CBLN3: variants seen among roughly 807,000 people sequenced by gnomAD.
CBLN3 encodes the protein cerebellin 3 precursor.
CBLN3 carries 14 observed loss-of-function variants against 17.4 expected under a neutral mutation model. The observed-to-expected ratio is 0.81, with a 90% CI of 0.53 to 1.26. CBLN3 has a LOEUF of 1.26. Ranked by LOEUF, CBLN3 falls within the 50% of genes most tolerant of loss-of-function variation. The pLI is 0.00. For missense variants in CBLN3, 263 were observed against 268.5 expected, an observed-to-expected ratio of 0.98 and a Z score of 0.14; for synonymous variants, 129 against 117.4, an observed-to-expected ratio of 1.10 and a Z score of -0.64.
At chr14:24,428,603 T>C in intron 1 of CBLN3, 152 bp downstream of exon 1, 2 of 1,039,670 alleles carry the variant, frequency 1.9e-6, no homozygotes, top group Non-Finnish European at 2.8e-6. Flanking sequence ...GGGGAAACCG[T>C]CGGTGGGGTG....
Position 24,429,583 on chromosome 14 carries a change from TCCGCCTC to T in CBLN3, c.-536_-530del, listed in dbSNP as rs1040943416. On this transcript the variant is annotated 5_prime_UTR_variant, in exon 1 of 3. Transcript: ENST00000267406. Reference sequence around the variant, plus strand: ...AAGGGGTACTCCACCACGGGTACCCTCCGCCTCCCGCCTCCCGCCTACCCCCTCCGCC... The same window carrying T: ...AAGGGGTACTCCACCACGGGTACCCTCCGCCTCCCGCCTACCCCCTCCGCC... The T allele has an allele frequency of 8.0e-5, 55 of 690,074 alleles. No homozygotes were observed. The highest frequency in any genetic ancestry group is 1.7e-4 in the East Asian group (2 of 11,444). The allele number at this position is 690,074 out of a possible 1,614,324, so 42.7% of individuals were successfully genotyped here.
Position 24,429,190 on chromosome 14 carries a change from T to G in CBLN3, c.-136A>C, listed in dbSNP as rs1594750145. 15 of 880,242 alleles carry G rather than the reference T, an allele frequency of 1.7e-5. No homozygotes were observed. The East Asian group carries it at 4.0e-4, about 23-fold the overall frequency. The allele number at this position is 880,242 out of a possible 1,614,324, so 54.5% of individuals were successfully genotyped here. On this transcript the variant is annotated 5_prime_UTR_variant, in exon 1 of 3. Transcript: ENST00000267406. Reference sequence around the variant, plus strand: ...GCTCGCTGAACCCCCTCTCCATACCTGTGTCCCAGCTCTGTCCTGCCTCCC... The same window carrying G: ...GCTCGCTGAACCCCCTCTCCATACCGGTGTCCCAGCTCTGTCCTGCCTCCC...
Position 24,427,706 on chromosome 14 carries a change from C to G in CBLN3, c.*83G>C. 1 of 1,291,836 alleles carries G rather than the reference C, an allele frequency of 7.7e-7. No individual in the cohort carries two copies. The highest frequency in any genetic ancestry group is 2.3e-5 in the East Asian group (1 of 43,392). The allele number at this position is 1,291,836 out of a possible 1,614,324, so 80.0% of individuals were successfully genotyped here. On this transcript the variant is annotated 3_prime_UTR_variant, in exon 3 of 3. Coordinates refer to ENST00000267406, the MANE Select transcript of CBLN3 (RefSeq NM_001039771.3). The surrounding 1 kb of genome is among the most constrained non-coding windows in gnomAD (Gnocchi z 4.4). ...GATAGGAGCCAGAGGGAGTCTCTCT[C>G]CTGCCTCTGCTGTTTCTGGGGCAAG...
chr14:24,429,604 A>C lies in CBLN3; in HGVS notation c.-550T>G, dbSNP rs889454667. On this transcript the variant is annotated 5_prime_UTR_variant, in exon 1 of 3. Coordinates refer to ENST00000267406, the MANE Select transcript of CBLN3 (RefSeq NM_001039771.3). Reference sequence around the variant, plus strand: ...ACCCTCCGCCTCCCGCCTCCCGCCTACCCCCTCCGCCACGATTGCTTTGGT... The same window carrying C: ...ACCCTCCGCCTCCCGCCTCCCGCCTCCCCCCTCCGCCACGATTGCTTTGGT... The C allele has an allele frequency of 8.7e-6, 8 of 922,170 alleles. No individual in the cohort carries two copies. Among genetic ancestry groups the C allele is most frequent in the African/African-American group, 1.8e-5 (1 of 55,358 alleles). The allele number at this position is 922,170 out of a possible 1,614,324, so 57.1% of individuals were successfully genotyped here.
intron 1 of CBLN3, 80 bp downstream of exon 1, chr14:24,428,675 C>T: frequency 1.4e-6 from 2 of 1,457,902 alleles, no homozygotes; most frequent in Non-Finnish European, 1.8e-6. Flanking sequence ...GCCTCAGAGA[C>T]AGCAAAGTGG....
chr14:24,429,292 G>A lies in CBLN3; in HGVS notation c.-238C>T. On this transcript the variant is annotated 5_prime_UTR_variant, in exon 1 of 3. Coordinates refer to ENST00000267406, the MANE Select transcript of CBLN3 (RefSeq NM_001039771.3). ...GTGACAGCAGTTGGGCTTTGGGAGAGAAAGGAGGGATGAAGCCGCCTGCCC... is the reference window on the plus strand; with the variant it reads ...GTGACAGCAGTTGGGCTTTGGGAGAAAAAGGAGGGATGAAGCCGCCTGCCC... 1 of 696,052 alleles carries A rather than the reference G, an allele frequency of 1.4e-6. No individual in the cohort carries two copies. Among genetic ancestry groups the A allele is most frequent in the Non-Finnish European group, 2.6e-6 (1 of 386,434 alleles). 43.1% of individuals were successfully genotyped at this position (696,052 alleles called of 1,614,324 possible).
In CBLN3 at chr14:24,429,005, C is replaced by T; in HGVS notation, c.50G>A (p.Gly17Glu). Residue 17 changes from glycine to glutamate, a missense_variant, in exon 1 of 3, where the codon GGG (glycine) becomes GAG (glutamate). Coordinates refer to ENST00000267406, the MANE Select transcript of CBLN3 (RefSeq NM_001039771.3). ...CAGAAGCACCAGAACCAAGGGCAGC[C>T]CGGGACTGTGTAGGGGACCTGGTAG... ...HWLPGPLHSP[G>E]LPLVLVLLAL... The T allele has an allele frequency of 6.5e-7, 1 of 1,547,554 alleles. No individual in the cohort carries two copies. Among genetic ancestry groups the T allele is most frequent in the South Asian group, 1.2e-5 (1 of 83,852 alleles).
chr14:24,429,027 G>C lies in CBLN3; in HGVS notation c.28C>G (p.Pro10Ala). The change falls in exon 1 of 3, where the codon CCA (proline) becomes GCA (alanine). Residue 10 changes from proline (P) to alanine (A), a missense_variant. By Grantham distance (27) the Pro-to-Ala change is conservative. Coordinates refer to ENST00000267406, the MANE Select transcript of CBLN3 (RefSeq NM_001039771.3). MLGAKPHWLPGPLHSPGLPL... is the reference protein window; with the variant it reads MLGAKPHWLAGPLHSPGLPL... Reference sequence around the variant, plus strand: ...AGCCCGGGACTGTGTAGGGGACCTGGTAGCCAGTGTGGCTTGGCTCCCAAC... The same window carrying C: ...AGCCCGGGACTGTGTAGGGGACCTGCTAGCCAGTGTGGCTTGGCTCCCAAC... 6.6e-7 allele frequency: 1 copy of C among 1,521,940 alleles called. No individual in the cohort carries two copies. Among genetic ancestry groups the C allele is most frequent in the East Asian group, 2.5e-5 (1 of 40,396 alleles). 94.3% of individuals were successfully genotyped at this position (1,521,940 alleles called of 1,614,324 possible).
chr14:24,427,860 G>A lies in CBLN3; in HGVS notation c.547C>T (p.Leu183=). The A allele has an allele frequency of 6.2e-7, 1 of 1,614,158 alleles. No homozygotes were observed. Among genetic ancestry groups the A allele is most frequent in the Non-Finnish European group, 8.5e-7 (1 of 1,180,020 alleles). The change falls in exon 3 of 3, where the codon CTG becomes TTG. Residue 183 remains leucine (L), a synonymous_variant. Transcript: ENST00000267406. The surrounding 1 kb of genome is among the most constrained non-coding windows in gnomAD (Gnocchi z 4.4). ...CCACCCAGTAGATTCCCCCGACGCAGGCGCAGAGACACTCGGTCCCCAGGG... is the reference window on the plus strand; with the variant it reads ...CCACCCAGTAGATTCCCCCGACGCAAGCGCAGAGACACTCGGTCCCCAGGG... The part of the protein sequence containing the change: ...LDPGDRVSLR[L]RRGNLLGGWK...
intron 1 of CBLN3, 138 bp downstream of exon 1, chr14:24,428,617 G>C: frequency 8.9e-7 from 1 of 1,118,102 alleles, no homozygotes; most frequent in Non-Finnish European, 1.3e-6. Flanking sequence ...TGGGGTGGTG[G>C]GGCAATAGGC....
intron 2 of CBLN3, 64 bp from the exon 3 acceptor site, chr14:24,428,050 C>A: frequency 2.0e-6 from 3 of 1,525,448 alleles, no homozygotes; most frequent in Non-Finnish European, 2.7e-6. Flanking sequence ...CCCACTTTCC[C>A]AGGAGCTTCC....
In CBLN3 at chr14:24,429,625, T is replaced by G; in HGVS notation, c.-571A>C. ...GCCTACCCCCTCCGCCACGATTGCTTTGGTGGAAAGTGCTTGGGCCTAGAG... is the reference window on the plus strand; with the variant it reads ...GCCTACCCCCTCCGCCACGATTGCTGTGGTGGAAAGTGCTTGGGCCTAGAG... On this transcript the variant is annotated 5_prime_UTR_variant, in exon 1 of 3. Coordinates refer to ENST00000267406, the MANE Select transcript of CBLN3 (RefSeq NM_001039771.3). 6 of 1,076,868 alleles carry G rather than the reference T, an allele frequency of 5.6e-6. No individual in the cohort carries two copies. The highest frequency in any genetic ancestry group is 7.5e-5 in the East Asian group (1 of 13,312). 66.7% of individuals were successfully genotyped at this position (1,076,868 alleles called of 1,614,324 possible).
rs1160169517 is a variant in CBLN3 at position 24,429,160 on chromosome 14, T to C, written c.-106A>G. ...GCCGGCACCCTGATCGTCTGCCCTC[T>C]CTAGGCTCGCTGAACCCCCTCTCCA... On this transcript the variant is annotated 5_prime_UTR_variant, in exon 1 of 3. Coordinates refer to ENST00000267406, the MANE Select transcript of CBLN3 (RefSeq NM_001039771.3). 8.2e-7 allele frequency: 1 copy of C among 1,224,324 alleles called. No individual in the cohort carries two copies. Among genetic ancestry groups the C allele is most frequent in the Non-Finnish European group, 1.1e-6 (1 of 892,526 alleles). 75.8% of individuals were successfully genotyped at this position (1,224,324 alleles called of 1,614,324 possible).
chr14:24,428,797 C>G lies in CBLN3; in HGVS notation c.258G>C (p.Gly86=). The G allele has an allele frequency of 6.2e-7, 1 of 1,608,804 alleles. No individual in the cohort carries two copies. The highest frequency in any genetic ancestry group is 8.5e-7 in the Non-Finnish European group (1 of 1,176,504). The part of the protein sequence containing the change: ...AVRSHHHEPA[G]ETGNGTSGAI... ...CCCCACTGGTGCCATTGCCGGTTTC[C>G]CCTGCTGGCTCATGGTGGTGGCTTC... The change falls in exon 1 of 3, where the codon GGG becomes GGC. Residue 86 remains glycine, a synonymous_variant. Transcript: ENST00000267406.
Position 24,429,265 on chromosome 14 carries a change from C to T in CBLN3, c.-211G>A, listed in dbSNP as rs1224653994. 1 of 701,644 alleles carries T rather than the reference C, an allele frequency of 1.4e-6. No individual in the cohort carries two copies. The highest frequency in any genetic ancestry group is 2.5e-6 in the Non-Finnish European group (1 of 395,010). The allele number at this position is 701,644 out of a possible 1,614,324, so 43.5% of individuals were successfully genotyped here. A position where few individuals can be genotyped will look rare whatever the true frequency, so the allele number is the denominator to read the frequency against. ...GTTCCCTCCTCCTTGGCAGAGCATGCAGTGACAGCAGTTGGGCTTTGGGAG... is the reference window on the plus strand; with the variant it reads ...GTTCCCTCCTCCTTGGCAGAGCATGTAGTGACAGCAGTTGGGCTTTGGGAG... On this transcript the variant is annotated 5_prime_UTR_variant, in exon 1 of 3. Transcript: ENST00000267406.
In CBLN3 at chr14:24,428,875, C is replaced by T. The variant is rs1473285945; in HGVS notation, c.180G>A (p.Gly60=). The change falls in exon 1 of 3, where the codon GGG becomes GGA. Residue 60 remains glycine (G), a synonymous_variant. Transcript: ENST00000267406. ...GGGGTGCCTCTCCCAGGGCTGCTCC[C>T]CCGGGCCCCCCTGCAGCAGCTCGGC... ...EPGRAAAGGP[G]GAALGEAPPG... is the part of the protein sequence containing the mutation. 4 of 1,604,044 alleles carry T rather than the reference C, an allele frequency of 2.5e-6. No individual in the cohort carries two copies. The highest frequency in any genetic ancestry group is 1.3e-5 in the African/African-American group (1 of 74,720).
chr14:24,429,187 A>G lies in CBLN3; in HGVS notation c.-133T>C, dbSNP rs2043059979. 2 of 903,378 alleles carry G rather than the reference A, an allele frequency of 2.2e-6. No homozygotes were observed. The highest frequency in any genetic ancestry group is 5.7e-5 in the Admixed American group (2 of 35,082). The allele number at this position is 903,378 out of a possible 1,614,324, so 56.0% of individuals were successfully genotyped here. A position where few individuals can be genotyped will look rare whatever the true frequency, so the allele number is the denominator to read the frequency against. On this transcript the variant is annotated 5_prime_UTR_variant, in exon 1 of 3. Transcript: ENST00000267406. Reference sequence around the variant, plus strand: ...TAGGCTCGCTGAACCCCCTCTCCATACCTGTGTCCCAGCTCTGTCCTGCCT... The same window carrying G: ...TAGGCTCGCTGAACCCCCTCTCCATGCCTGTGTCCCAGCTCTGTCCTGCCT...
Position 24,429,081 on chromosome 14 carries a change from T to G in CBLN3, c.-27A>C, listed in dbSNP as rs1472767136. On this transcript the variant is annotated 5_prime_UTR_variant, in exon 1 of 3. Coordinates refer to ENST00000267406, the MANE Select transcript of CBLN3 (RefSeq NM_001039771.3). ...GCTGAGGGGCTCTGCAACCCACAAG[T>G]GCCCCGGTCTTCTGCCCCTCTTCTG... 2.0e-6 allele frequency: 3 copies of G among 1,465,422 alleles called. No individual in the cohort carries two copies. Among genetic ancestry groups the G allele is most frequent in the East Asian group, 5.0e-5 (2 of 40,102 alleles). 90.8% of individuals were successfully genotyped at this position (1,465,422 alleles called of 1,614,324 possible). A position where few individuals can be genotyped will look rare whatever the true frequency, so the allele number is the denominator to read the frequency against.
Position 24,429,132 on chromosome 14 carries a change from A to C in CBLN3, c.-78T>G. 1 of 1,411,526 alleles carries C rather than the reference A, an allele frequency of 7.1e-7. No homozygotes were observed. 87.4% of individuals were successfully genotyped at this position (1,411,526 alleles called of 1,614,324 possible). A position where few individuals can be genotyped will look rare whatever the true frequency, so the allele number is the denominator to read the frequency against. The stretch of plus-strand genomic sequence containing the variant: ...TTTCCGCTCCTCTCCCTGGATTCTC[A>C]CCGCCGGCACCCTGATCGTCTGCCC... On this transcript the variant is annotated 5_prime_UTR_variant, in exon 1 of 3. It removes the in-frame stop codon of an upstream open reading frame in the 5' UTR. Coordinates refer to ENST00000267406, the MANE Select transcript of CBLN3 (RefSeq NM_001039771.3).
Sources: gnomAD v4.1 joint callset for allele counts on GRCh38, gnomAD v4.1.1 for gene constraint, Gnocchi (gnomAD v3.1) non-coding constraint, MANE v1.5 for transcripts, NCBI Gene and HGNC (gene_info 2026-07-23, HGNC 2026-07-21) for gene names.